Variants in ATG16L2 observed in about 807,000 individuals in gnomAD.
The protein encoded by ATG16L2 is autophagy related 16 like 2.
A neutral mutation model predicts 84.7 loss-of-function variants in ATG16L2; 77 were observed. That is an observed-to-expected ratio of 0.91 (90% CI 0.76 to 1.10). The LOEUF (loss-of-function observed/expected upper bound fraction) is 1.10, where lower values mean the gene tolerates loss of function less well. Among genes scored for constraint, ATG16L2 ranks in the 50% least tolerant of loss-of-function variants. The pLI is 0.00. For synonymous variants in ATG16L2, 361 were observed against 342.8 expected, an observed-to-expected ratio of 1.05 and a Z score of -0.59; for missense variants, 782 against 817.6, an observed-to-expected ratio of 0.96 and a Z score of 0.53.
At chr11:72,841,397 A>G (rs1429640550) in intron 5 of ATG16L2, 1 of 1,493,542 alleles carries the variant, frequency 6.7e-7, no homozygotes, top group Non-Finnish European at 9.1e-7. Context: ...CTTCAGGCGA[A>G]TATGTAGGTT....
Position 72,826,795 on chromosome 11 carries a change from G to A in ATG16L2, c.1338G>A (p.Val446=), listed in dbSNP as rs774597347. The change falls in exon 13 of 18, where the codon GTG becomes GTA. Residue 446 remains valine, a synonymous_variant. Transcript: ENST00000321297. ...QAVTGSRDRT[V]KEWDLGRAYC... is the part of the protein sequence containing the mutation. ...TGACTGGGAGCCGCGACCGGACAGTGAAGGAGTGGGACCTCGGCCGTGCCT... is the reference window on the plus strand; with the variant it reads ...TGACTGGGAGCCGCGACCGGACAGTAAAGGAGTGGGACCTCGGCCGTGCCT... The A allele has an allele frequency of 3.3e-5, 54 of 1,613,868 alleles. No homozygotes were observed. In the East Asian group the frequency reaches 1.0e-3, roughly 31 times the overall value.
chr11:72,821,277 A>G (rs927175567), intron 3 of ATG16L2: 9 of 1,021,776 alleles, frequency 8.8e-6, no homozygotes, highest in Non-Finnish European at 9.4e-6. Flanking sequence ...ATGGCGCCCG[A>G]GGGCCGGATG....
chr11:72,842,951 T>G, exon 6 of ATG16L2: 1 of 971,968 alleles, frequency 1.0e-6, no homozygotes, highest in Non-Finnish European at 1.5e-6. Flanking sequence ...AGAATAGGAT[T>G]AAAGTTGTAA....
intron 3 of ATG16L2, chr11:72,821,450 T>C (rs1859985486): frequency 1.5e-6 from 2 of 1,375,988 alleles, no homozygotes; most frequent in African/African-American, 1.5e-5. Context: ...ACGGCGAGGA[T>C]TGGGACCCAG....
intron 10 of ATG16L2, 139 bp downstream of exon 10, chr11:72,825,546 C>CCCA: frequency 1.5e-6 from 1 of 686,912 alleles, no homozygotes; most frequent in Non-Finnish European, 2.5e-6. Context: ...CTAGACAATG[C>CCCA]CTTGGAAAGA....
downstream of ATG16L2, among the ~76,000 whole-genome samples, chr11:72,833,711 A>G (rs2135134283): frequency 1.3e-5 from 2 of 152,266 alleles, no homozygotes; most frequent in East Asian, 3.9e-4. Context: ...ACCTGAGGTC[A>G]GGAGTTTGAG....
At chr11:72,815,031 G>T (rs1248761959) in intron 1 of ATG16L2, among the ~76,000 whole-genome samples, 1 of 152,242 alleles carries the variant, frequency 6.6e-6, no homozygotes, top group Non-Finnish European at 1.5e-5. Flanking sequence ...GTGCATCTCA[G>T]GCTCTGCCGC....
At position 72,822,586 on chromosome 11, in the gene ATG16L2, C is replaced by T. The variant is rs1591303623; in HGVS notation, c.710+43C>T. 1 of 1,340,220 alleles carries T rather than the reference C, an allele frequency of 7.5e-7. No individual in the cohort carries two copies. Among genetic ancestry groups the T allele is most frequent in the African/African-American group, 1.5e-5 (1 of 68,750 alleles). 83.0% of individuals were successfully genotyped at this position (1,340,220 alleles called of 1,614,324 possible). A position where few individuals can be genotyped will look rare whatever the true frequency, so the allele number is the denominator to read the frequency against. ...CCGGTCCGACCCTTGCGTTCTGCCT[C>T]CCGCCCCGCCTGCCTGCGGCGACCC... On this transcript the variant is annotated intron_variant, in intron 6 of 17. Transcript: ENST00000321297. This position sits in a 1 kb window ranked among gnomAD's most constrained non-coding sequence, Gnocchi z 4.2.
intron 3 of ATG16L2, 28 bp downstream of exon 3, chr11:72,817,883 G>C: frequency 6.3e-7 from 1 of 1,586,842 alleles, no homozygotes; most frequent in Non-Finnish European, 8.6e-7. Flanking sequence ...CTGAAAATGG[G>C]GTAGAGAGAT....
downstream of ATG16L2, chr11:72,843,681 T>C (rs1861036396): frequency 1.1e-5 from 7 of 617,406 alleles, no homozygotes; most frequent in African/African-American, 1.8e-5. Flanking sequence ...AAAACTTTCA[T>C]AATGAGGTGA....
rs1400497941 is a variant in ATG16L2, at chr11:72,817,867, AGGGGTCTGAAAAT to A, written c.318+18_318+30del. 6.2e-7 allele frequency: 1 copy of A among 1,603,966 alleles called. No homozygotes were observed. Among genetic ancestry groups the A allele is most frequent in the Non-Finnish European group, 8.5e-7 (1 of 1,178,274 alleles). On this transcript the variant is annotated intron_variant, in intron 3 of 17. Coordinates refer to ENST00000321297, the MANE Select transcript of ATG16L2 (RefSeq NM_033388.2). ...TGGTCTGTGGTGAGGTAAGTTGGGA[AGGGGTCTGAAAAT>A]GGGGTAGAGAGATGTGGTCCAAGGG...
chr11:72,829,652 C>G, downstream of ATG16L2: 1 of 1,265,090 alleles, frequency 7.9e-7, no homozygotes, highest in East Asian at 3.5e-5. Context: ...CTGCCTACCT[C>G]TTTGCAGCAT....
At chr11:72,833,612 T>A (rs1305422741), downstream of ATG16L2, among the ~76,000 whole-genome samples, 1 of 152,154 alleles carries the variant, frequency 6.6e-6, no homozygotes, top group Non-Finnish European at 1.5e-5. Flanking sequence ...TTTCTGTCAA[T>A]GTTTCAGCAT....
At chr11:72,827,962 AC>A in intron 14 of ATG16L2, among the ~76,000 whole-genome samples, 1 of 152,192 alleles carries the variant, frequency 6.6e-6, no homozygotes, top group East Asian at 1.9e-4. Flanking sequence ...CAAAAACAAA[AC>A]AAAACAAAAA....
chr11:72,828,171 C>T (rs1233885771), intron 14 of ATG16L2, among the ~76,000 whole-genome samples, 188 bp from the exon 15 acceptor site: 2 of 152,198 alleles, frequency 1.3e-5, no homozygotes, highest in African/African-American at 4.8e-5. Flanking sequence ...CTAAGTTCCT[C>T]GATGGAGGCA....
rs973834938 is a variant in ATG16L2, at chr11:72,822,563, G to A, written c.710+20G>A. 7.5e-6 allele frequency: 12 copies of A among 1,609,422 alleles called. No individual in the cohort carries two copies. Among genetic ancestry groups the A allele is most frequent in the Non-Finnish European group, 1.0e-5 (12 of 1,178,246 alleles). ...CAGCGAGTAAGAGTGGGGATGGGCC[G>A]GTCCGACCCTTGCGTTCTGCCTCCC... is the stretch of plus-strand genomic sequence containing the variant. On this transcript the variant is annotated intron_variant, in intron 6 of 17. Transcript: ENST00000321297. The surrounding 1 kb of genome is among the most constrained non-coding windows in gnomAD (Gnocchi z 4.2).
At chr11:72,830,681 TG>T (rs1239623287), downstream of ATG16L2, among the ~76,000 whole-genome samples, 1 of 152,220 alleles carries the variant, frequency 6.6e-6, no homozygotes, top group African/African-American at 2.4e-5. Context: ...TCCAATCCTT[TG>T]GAGTTCCCCT....
In ATG16L2 at chr11:72,841,588, A is replaced by T. The variant is rs747510209; in HGVS notation, c.*22-1029A>T. 11 of 1,596,710 alleles carry T rather than the reference A, an allele frequency of 6.9e-6. No homozygotes were observed. The South Asian group carries it at 1.1e-4, about 16-fold the overall frequency. ...TGGCTTGGGGGAAGGAGAGATCTGC[A>T]GCAAAGGGAAGCGAGGTTACCCGGT... On this transcript the variant is annotated intron_variant, in intron 5 of 5. Coordinates refer to the ATG16L2 transcript ENST00000534905.
At chr11:72,843,255 A>C (rs1226930320) in exon 6 of ATG16L2, 23 of 1,614,042 alleles carry the variant, frequency 1.4e-5, no homozygotes, top group Non-Finnish European at 1.9e-5. Context: ...CAGCATGCTC[A>C]GGAGGCTGTT....
Sources: allele counts gnomAD v4.1 joint callset (sites outside exome capture counted in the v4.1 genomes callset), GRCh38; gene constraint gnomAD v4.1.1; non-coding constraint Gnocchi (gnomAD v3.1); transcripts MANE v1.5; gene names NCBI Gene and HGNC (gene_info 2026-07-23, HGNC 2026-07-21).